The following PCDH15 variants were observed in gnomAD, a reference collection of about 807,000 sequenced individuals.
PCDH15 encodes protocadherin-15.
Under a neutral mutation model 178.5 loss-of-function variants are expected in PCDH15, and 129 were observed. The observed-to-expected ratio is 0.72, with a 90% CI of 0.63 to 0.84. The LOEUF (loss-of-function observed/expected upper bound fraction) is 0.84. Ranked by LOEUF, PCDH15 falls within the 40% of genes least tolerant of loss-of-function variation. PCDH15 has a pLI of 0.00. For synonymous variants in PCDH15, 800 were observed against 732.0 expected (o/e 1.09, Z -1.50); for missense variants, 2,230 against 2,099.9 (o/e 1.06, Z -1.21).
At chr10:54,058,798 A>G (rs1448478575) in intron 18 of PCDH15, among the ~76,000 whole-genome samples, 2 of 151,206 alleles carry the variant, frequency 1.3e-5, no homozygotes, top group African/African-American at 4.9e-5. Flanking sequence ...GGTTCAAGCT[A>G]TTCTCCTGCC....
At chr10:54,721,576 A>G (rs747522310) in intron 1 of PCDH15, among the ~76,000 whole-genome samples, 2 of 151,862 alleles carry the variant, frequency 1.3e-5, no homozygotes, top group African/African-American at 2.4e-5. Context: ...AAAGATTATA[A>G]GAGACTACTA....
chr10:54,475,732 CTG>C (rs2078231581), intron 3 of PCDH15, among the ~76,000 whole-genome samples: 1 of 151,656 alleles, frequency 6.6e-6, no homozygotes, highest in Admixed American at 6.6e-5. Flanking sequence ...AAACTGGTAT[CTG>C]TGATATTTAT....
intron 25 of PCDH15, among the ~76,000 whole-genome samples, chr10:53,932,969 A>ACT (rs1433139749): frequency 2.0e-5 from 3 of 148,166 alleles, no homozygotes; most frequent in African/African-American, 5.0e-5. Context: ...TTCCCCCACC[A>ACT]CTCTCTCTCT....
chr10:55,293,409 C>T (rs888258421), intron 1 of PCDH15, among the ~76,000 whole-genome samples: 1 of 152,206 alleles, frequency 6.6e-6, no homozygotes, highest in African/African-American at 2.4e-5. Context: ...GATTAACATT[C>T]AACTCCGTCT....
intron 1 of PCDH15, among the ~76,000 whole-genome samples, chr10:55,169,717 G>A (rs148049795): frequency 1.4e-3 from 209 of 152,238 alleles, no homozygotes; most frequent in African/African-American, 4.9e-3. Context: ...GTACAAGGGT[G>A]GTTGTAGGCA....
intron 2 of PCDH15, among the ~76,000 whole-genome samples, chr10:55,133,525 A>G (rs1233878368): frequency 1.3e-5 from 2 of 152,060 alleles, no homozygotes; most frequent in Non-Finnish European, 2.9e-5. Context: ...TTTAAAAACC[A>G]TGTCTGTGGC....
intron 25 of PCDH15, among the ~76,000 whole-genome samples, chr10:53,937,206 T>G (rs1237946128): frequency 1.3e-5 from 2 of 152,178 alleles, no homozygotes; most frequent in African/African-American, 4.8e-5. Context: ...GCTAGTTGTA[T>G]TCACATATAA....
chr10:54,783,172 T>C (rs1006613734), intron 1 of PCDH15, among the ~76,000 whole-genome samples: 21 of 151,774 alleles, frequency 1.4e-4, no homozygotes, highest in African/African-American at 4.6e-4. Context: ...AAAAGAATAA[T>C]AATAATTAAC....
intron 2 of PCDH15, among the ~76,000 whole-genome samples, chr10:55,547,742 A>G (rs1841915045): frequency 6.6e-6 from 1 of 151,974 alleles, no homozygotes; most frequent in Non-Finnish European, 1.5e-5. Context: ...TTTTGAAGCT[A>G]GGCTATAAAA....
chr10:55,332,335 A>G (rs1329493501), intron 2 of PCDH15, among the ~76,000 whole-genome samples: 1 of 152,194 alleles, frequency 6.6e-6, no homozygotes, highest in Non-Finnish European at 1.5e-5. Context: ...ACCAAAAGCC[A>G]GATATCAAAT....
intron 21 of PCDH15, among the ~76,000 whole-genome samples, chr10:53,989,187 G>T (rs772345923): frequency 3.3e-5 from 5 of 152,116 alleles, no homozygotes; most frequent in Non-Finnish European, 7.3e-5. Context: ...CTTTTAGTCT[G>T]TTTACCTGCT....
intron 8 of PCDH15, among the ~76,000 whole-genome samples, chr10:54,309,224 T>C (rs966518287): frequency 1.4e-4 from 22 of 151,956 alleles, no homozygotes; most frequent in Admixed American, 6.6e-5. Flanking sequence ...ATGGGATATA[T>C]GATTACTTGA....
intron 8 of PCDH15, among the ~76,000 whole-genome samples, chr10:54,275,668 A>G (rs1052533221): frequency 6.6e-6 from 1 of 151,790 alleles, no homozygotes; most frequent in African/African-American, 2.4e-5. Flanking sequence ...AATCTCAAAT[A>G]TGTGGGAGAG....
At chr10:55,081,188 C>G (rs1842032291) in intron 2 of PCDH15, among the ~76,000 whole-genome samples, 1 of 152,174 alleles carries the variant, frequency 6.6e-6, no homozygotes, top group Non-Finnish European at 1.5e-5. Context: ...TCTTCCATCT[C>G]CTTCTCTGCC....
At chr10:55,474,365 T>C (rs1840022613) in intron 2 of PCDH15, among the ~76,000 whole-genome samples, 2 of 152,196 alleles carry the variant, frequency 1.3e-5, no homozygotes, top group African/African-American at 4.8e-5. Context: ...CAAATTTATA[T>C]TTTTGAATCA....
At chr10:54,481,766 T>C (rs1465011751) in intron 3 of PCDH15, among the ~76,000 whole-genome samples, 3 of 151,858 alleles carry the variant, frequency 2.0e-5, no homozygotes, top group Non-Finnish European at 4.4e-5. Context: ...TTTTAAGATG[T>C]TATAAAATAT....
intron 2 of PCDH15, among the ~76,000 whole-genome samples, chr10:54,642,420 C>A (rs2094012252): frequency 6.6e-6 from 1 of 152,160 alleles, no homozygotes; most frequent in South Asian, 2.1e-4. Context: ...CTTGATCTCA[C>A]CTCGCTTACT....
chr10:55,107,712 C>T (rs991874927), intron 2 of PCDH15, among the ~76,000 whole-genome samples: 8 of 151,490 alleles, frequency 5.3e-5, no homozygotes, highest in African/African-American at 1.2e-4. Flanking sequence ...AGGCTGGTCT[C>T]GAACTCCTGA....
chr10:54,418,854 A>G (rs1325929867), intron 3 of PCDH15, among the ~76,000 whole-genome samples: 3 of 152,040 alleles, frequency 2.0e-5, no homozygotes, highest in Non-Finnish European at 2.9e-5. Flanking sequence ...AAAGACAATA[A>G]TATGCATTGG....
Sources: gnomAD v4.1 joint callset for allele counts (sites outside exome capture counted in the v4.1 genomes callset) on GRCh38, gnomAD v4.1.1 for gene constraint, MANE v1.5 for transcripts, NCBI Gene and HGNC (gene_info 2026-07-23, HGNC 2026-07-21) for gene names.